The following IGF2BP1 variants were observed in gnomAD, a reference collection of about 807,000 sequenced individuals.
IGF2BP1 encodes insulin-like growth factor 2 mRNA-binding protein 1.
A neutral mutation model predicts 74.9 loss-of-function variants in IGF2BP1; 11 were observed. The observed-to-expected ratio is 0.15, with a 90% confidence interval of 0.09 to 0.24. IGF2BP1 has a LOEUF of 0.24. Among genes scored for constraint, IGF2BP1 ranks in the 10% least tolerant of loss-of-function variants. The probability of loss-of-function intolerance (pLI) is 1.00; values close to 1 mark genes in which losing one functional copy is unlikely to be tolerated. For missense variants in IGF2BP1, 440 were observed against 757.4 expected (o/e 0.58, Z 4.92); for synonymous variants, 287 against 281.8 (o/e 1.02, Z -0.18).
At chr17:49,018,806 G>A (rs2041740478) in intron 2 of IGF2BP1, among the ~76,000 whole-genome samples, 1 of 152,106 alleles carries the variant, frequency 6.6e-6, no homozygotes, top group South Asian at 2.1e-4. Context: ...CCTACTCCTA[G>A]TTTCCCAGAT....
At chr17:49,033,256 C>A (rs1165024173) in intron 5 of IGF2BP1, among the ~76,000 whole-genome samples, 1 of 152,180 alleles carries the variant, frequency 6.6e-6, no homozygotes, top group African/African-American at 2.4e-5. Flanking sequence ...TCAAGCAATT[C>A]TTGTGCCTCA....
At position 49,044,290 on chromosome 17, in the gene IGF2BP1, G is replaced by A. The variant is rs547347112; in HGVS notation, c.1320+204G>A. Among the ~76,000 whole-genome samples, 3 of 152,226 alleles carry A rather than the reference G, an allele frequency of 2.0e-5. No homozygotes were observed. In the East Asian group the frequency reaches 5.8e-4, roughly 29 times the overall value. ...TGGCTTCAGTGCTTCTGGGTTTTCAGGCTGGGCAGGGGCAGGGTTATAACA... is the reference window on the plus strand; with the variant it reads ...TGGCTTCAGTGCTTCTGGGTTTTCAAGCTGGGCAGGGGCAGGGTTATAACA... On this transcript the variant is annotated intron_variant, in intron 11 of 14. Coordinates refer to ENST00000290341, the MANE Select transcript of IGF2BP1 (RefSeq NM_006546.4).
At chr17:49,014,755 A>C (rs1377952430) in intron 2 of IGF2BP1, 1 of 985,192 alleles carries the variant, frequency 1.0e-6, no homozygotes, top group Non-Finnish European at 1.2e-6. Flanking sequence ...GCTGGTGCCC[A>C]GATGTTTGCC....
In IGF2BP1 at chr17:49,055,349, A is replaced by C. The variant is rs1239942200; in HGVS notation, c.*5905A>C. ...GTCTGCCCCTGGCCTGTCTCACCCC[A>C]TCCCCCACCCTATTCCTGCCAGTGA... On this transcript the variant is annotated 3_prime_UTR_variant, in exon 15 of 15. Coordinates refer to ENST00000290341, the MANE Select transcript of IGF2BP1 (RefSeq NM_006546.4). 9.7e-6 allele frequency: 3 copies of C among 308,578 alleles called. No individual in the cohort carries two copies. The highest frequency in any genetic ancestry group is 2.1e-5 in the African/African-American group (1 of 46,660). 19.1% of individuals were successfully genotyped at this position (308,578 alleles called of 1,614,324 possible).
At chr17:49,025,152 A>T (rs889889997) in intron 2 of IGF2BP1, among the ~76,000 whole-genome samples, 11 of 152,168 alleles carry the variant, frequency 7.2e-5, no homozygotes, top group African/African-American at 2.2e-4. Context: ...AGATCGCACC[A>T]TTGCACTCCA....
At chr17:49,013,823 C>G (rs906117181) in intron 2 of IGF2BP1, 4 of 152,394 alleles carry the variant, frequency 2.6e-5, no homozygotes, top group Non-Finnish European at 5.9e-5. Flanking sequence ...CCTCGGGGCC[C>G]AGGGCGGGTA....
intron 11 of IGF2BP1, 113 bp downstream of exon 11, chr17:49,044,199 T>C: frequency 2.1e-6 from 3 of 1,405,398 alleles, no homozygotes; most frequent in East Asian, 2.4e-5. Flanking sequence ...GTGTGTCATA[T>C]GAGGGACCTT....
At chr17:49,038,874 A>ATCTTTTTTTTTTTTTTTT (rs1491495832) in intron 6 of IGF2BP1, among the ~76,000 whole-genome samples, 11 of 75,286 alleles carry the variant, frequency 1.5e-4, no homozygotes, top group African/African-American at 6.2e-4. Flanking sequence ...TCTTTCTTTA[A>ATCTTTTTTTTTTTTTTTT]TATTTTTTTT....
rs540353059 is a variant in IGF2BP1, at chr17:49,041,743, C to G, written c.941+243C>G. 5.3e-5 allele frequency among the ~76,000 whole-genome samples: 8 copies of G among 152,314 alleles called. No individual in the cohort carries two copies. In the South Asian group the frequency reaches 1.7e-3, roughly 32 times the overall value. Reference sequence around the variant, plus strand: ...TGCTGCCTCTACAGTCCACGTCCAACCACTTCACAGCCCTCTTTCCCTGTG... The same window carrying G: ...TGCTGCCTCTACAGTCCACGTCCAAGCACTTCACAGCCCTCTTTCCCTGTG... On this transcript the variant is annotated intron_variant, in intron 8 of 14. Transcript: ENST00000290341.
At chr17:49,016,501 G>GT (rs1371474001) in intron 2 of IGF2BP1, among the ~76,000 whole-genome samples, 1 of 152,180 alleles carries the variant, frequency 6.6e-6, no homozygotes, top group Non-Finnish European at 1.5e-5. Flanking sequence ...CTCCAGAGGA[G>GT]TGGGAAGAAG....
chr17:49,032,253 G>T (rs1015395025), intron 5 of IGF2BP1, among the ~76,000 whole-genome samples: 5 of 152,156 alleles, frequency 3.3e-5, no homozygotes, highest in Admixed American at 3.3e-4. Context: ...CCAGATAAGT[G>T]GGAAATCCCT....
chr17:48,999,188 CGGGGGGGG>C lies in IGF2BP1; in HGVS notation c.236+20_236+27del, dbSNP rs763830286. On this transcript the variant is annotated intron_variant, in intron 2 of 14. Coordinates refer to ENST00000290341, the MANE Select transcript of IGF2BP1 (RefSeq NM_006546.4). ...AACAAAGGTAGGAAAGAGCTCTTTT[CGGGGGGGG>C]TGGGGGGGCCGCGGGGGTGTGCTGT... is the stretch of plus-strand genomic sequence containing the variant. 44 of 515,672 alleles carry C rather than the reference CGGGGGGGG, an allele frequency of 8.5e-5. 3 individuals carry two copies. The highest frequency in any genetic ancestry group is 1.2e-4 in the Non-Finnish European group (41 of 349,392). 31.9% of individuals were successfully genotyped at this position (515,672 alleles called of 1,614,324 possible). A position where few individuals can be genotyped will look rare whatever the true frequency, so the allele number is the denominator to read the frequency against.
chr17:49,041,234 C>CA, intron 7 of IGF2BP1, 144 bp from the exon 8 acceptor site: 1 of 828,516 alleles, frequency 1.2e-6, no homozygotes, highest in Non-Finnish European at 1.9e-6. Flanking sequence ...ATAAATCATA[C>CA]ATATTTTTAA....
At position 49,020,017 on chromosome 17, in the gene IGF2BP1, T is replaced by C. The variant is rs1445537196; in HGVS notation, c.237-5601T>C. ...ATATACACACACACACACATATATA[T>C]ACACACACACACATATATATGTATG... On this transcript the variant is annotated intron_variant, in intron 2 of 14. Coordinates refer to ENST00000290341, the MANE Select transcript of IGF2BP1 (RefSeq NM_006546.4). Among the ~76,000 whole-genome samples the C allele has an allele frequency of 1.3e-4, 11 of 82,850 alleles. No homozygotes were observed. In the Admixed American group the frequency reaches 1.4e-3, roughly 10 times the overall value. 54.4% of individuals were successfully genotyped at this position (82,850 alleles called of 152,430 possible).
intron 2 of IGF2BP1, among the ~76,000 whole-genome samples, chr17:49,008,238 T>G (rs200038584): frequency 2.0e-5 from 3 of 151,940 alleles, no homozygotes; most frequent in Admixed American, 2.0e-4. Context: ...GATATGGCTG[T>G]TGGTGGCTGC....
intron 13 of IGF2BP1, 117 bp from the exon 14 acceptor site, chr17:49,046,143 C>T (rs1448972368): frequency 5.5e-6 from 8 of 1,458,192 alleles, no homozygotes; most frequent in Non-Finnish European, 2.9e-6. Context: ...TGATTCTACT[C>T]CCCAAGCTCA....
rs1567828704 is a variant in IGF2BP1, at chr17:49,046,282, C to T, written c.1550C>T (p.Thr517Met). Residue 517 changes from threonine to methionine, a missense_variant, in exon 14 of 15, where the codon ACG becomes ATG. Physicochemically the swap from Thr to Met is moderately conservative, Grantham distance 81. Around this residue, in one of 5 missense-constraint regions of IGF2BP1, gnomAD observed 117 missense variants for 237.2 expected, o/e 0.49. Transcript: ENST00000290341. ...CAGGTGAACGAGTTGCAGAATTTGA[C>T]GGCAGCTGAGGTGGTAGTACCAAGA... is the stretch of plus-strand genomic sequence containing the variant. ...GKTVNELQNL[T>M]AAEVVVPRDQ... is the part of the protein sequence containing the mutation. 1.9e-6 allele frequency: 3 copies of T among 1,614,070 alleles called. No homozygotes were observed. Among genetic ancestry groups the T allele is most frequent in the Non-Finnish European group, 2.5e-6 (3 of 1,179,938 alleles).
At chr17:49,040,892 C>T (rs1175213888) in intron 7 of IGF2BP1, among the ~76,000 whole-genome samples, 2 of 152,236 alleles carry the variant, frequency 1.3e-5, no homozygotes, top group African/African-American at 2.4e-5. Context: ...TGTTCCTTTA[C>T]ACACTTGTGC....
At position 49,038,495 on chromosome 17, in the gene IGF2BP1, G is replaced by C. The variant is rs1278910044; in HGVS notation, c.683+46G>C. 2.1e-6 allele frequency: 3 copies of C among 1,420,286 alleles called. No individual in the cohort carries two copies. In the African/African-American group the frequency reaches 4.4e-5, roughly 21 times the overall value. The allele number at this position is 1,420,286 out of a possible 1,614,324, so 88.0% of individuals were successfully genotyped here. A position where few individuals can be genotyped will look rare whatever the true frequency, so the allele number is the denominator to read the frequency against. On this transcript the variant is annotated intron_variant, in intron 6 of 14. Coordinates refer to ENST00000290341, the MANE Select transcript of IGF2BP1 (RefSeq NM_006546.4). ...AATGGAGGTTGGGTGCTAGGGAACA[G>C]TGGTTGGTACCTAAAGAGGCCTCCT... is the stretch of plus-strand genomic sequence containing the variant.
Sources: allele counts gnomAD v4.1 joint callset (sites outside exome capture counted in the v4.1 genomes callset), GRCh38; gene constraint gnomAD v4.1.1; regional missense constraint gnomAD v4.1.1; transcripts MANE v1.5; gene names NCBI Gene and HGNC (gene_info 2026-07-23, HGNC 2026-07-21).